The following EFTUD2 variants were observed in gnomAD, a reference collection of about 807,000 sequenced individuals.
EFTUD2 encodes the protein 116 kDa U5 small nuclear ribonucleoprotein component.
Under a neutral mutation model 114.3 loss-of-function variants are expected in EFTUD2, and 9 were observed. That is an observed-to-expected ratio of 0.08 (90% CI 0.05 to 0.14). EFTUD2 has a LOEUF of 0.14. Among genes scored for constraint, EFTUD2 ranks in the 10% least tolerant of loss-of-function variants. The pLI is 1.00. For synonymous variants in EFTUD2, 449 were observed against 462.3 expected, an observed-to-expected ratio of 0.97 and a Z score of 0.37; for missense variants, 765 against 1,241.2, an observed-to-expected ratio of 0.62 and a Z score of 5.76.
intron 18 of EFTUD2, chr17:44,859,432 G>A: frequency 1.8e-6 from 1 of 563,394 alleles, no homozygotes; most frequent in South Asian, 2.0e-5. Flanking sequence ...TAATGATTTA[G>A]GTCAAACTCT....
chr17:44,889,248 A>G (rs1475269861), intron 2 of EFTUD2, among the ~76,000 whole-genome samples: 2 of 152,162 alleles, frequency 1.3e-5, no homozygotes, highest in Admixed American at 6.5e-5. Context: ...CCTTGACAAG[A>G]GCAGTCTGTG....
At chr17:44,891,089 A>G (rs1352821534) in intron 2 of EFTUD2, among the ~76,000 whole-genome samples, 1 of 152,192 alleles carries the variant, frequency 6.6e-6, no homozygotes, top group African/African-American at 2.4e-5. Context: ...AGCAACAGGG[A>G]GAAACCCTAA....
At chr17:44,878,342 GTGC>G (rs1355259310) in intron 9 of EFTUD2, among the ~76,000 whole-genome samples, 1 of 152,154 alleles carries the variant, frequency 6.6e-6, no homozygotes. Flanking sequence ...TACAAAATAA[GTGC>G]CCTGTACTCT....
chr17:44,881,422 T>C (rs1174143269), intron 7 of EFTUD2, among the ~76,000 whole-genome samples: 2 of 151,388 alleles, frequency 1.3e-5, no homozygotes, highest in Non-Finnish European at 2.9e-5. Context: ...CATCGCCTCT[T>C]AGTACTTCTC....
At chr17:44,866,812 C>T (rs2050753708) in intron 13 of EFTUD2, among the ~76,000 whole-genome samples, 10 of 152,046 alleles carry the variant, frequency 6.6e-5, no homozygotes, top group Admixed American at 6.6e-4. Flanking sequence ...ATGTTACAAA[C>T]AATGCTATAA....
chr17:44,863,414 C>T (rs2050692084), intron 15 of EFTUD2: 1 of 425,646 alleles, frequency 2.3e-6, no homozygotes. Context: ...AACAACCGCT[C>T]ACATTTTATT....
At chr17:44,859,852 C>G (rs1416499915) in intron 18 of EFTUD2, 53 bp downstream of exon 18, 25 of 1,611,628 alleles carry the variant, frequency 1.6e-5, no homozygotes, top group Non-Finnish European at 1.2e-5. Flanking sequence ...GCAGCTCTGC[C>G]CATTCAGCTG....
intron 2 of EFTUD2, 41 bp from the exon 3 acceptor site, chr17:44,886,791 C>G (rs370316007): frequency 6.3e-7 from 1 of 1,580,444 alleles, no homozygotes; most frequent in Non-Finnish European, 8.6e-7. Flanking sequence ...GAGGCACACG[C>G]TTTTCCTGTT....
intron 2 of EFTUD2, 130 bp from the exon 3 acceptor site, chr17:44,886,880 G>C: frequency 1.4e-6 from 2 of 1,441,562 alleles, no homozygotes; most frequent in Non-Finnish European, 1.8e-6. Flanking sequence ...CTATGCCAGT[G>C]GGGGAGGTTC....
At chr17:44,875,829 T>C (rs2050937968) in intron 10 of EFTUD2, 105 bp downstream of exon 10, 1 of 1,438,890 alleles carries the variant, frequency 6.9e-7, no homozygotes, top group South Asian at 1.3e-5. Flanking sequence ...CCCAACAAAC[T>C]CATCAACACA....
At chr17:44,895,073 T>C (rs1034310011) in intron 1 of EFTUD2, among the ~76,000 whole-genome samples, 1 of 152,296 alleles carries the variant, frequency 6.6e-6, no homozygotes, top group Non-Finnish European at 1.5e-5. Context: ...CAGCTGTTTT[T>C]ACATGGCCCT....
At chr17:44,863,519 T>G in intron 15 of EFTUD2, 136 bp downstream of exon 15, 1 of 1,284,200 alleles carries the variant, frequency 7.8e-7, no homozygotes, top group Non-Finnish European at 1.1e-6. Context: ...AGGCTTTGCA[T>G]TCAGGCCTGA....
chr17:44,860,167 T>C, intron 17 of EFTUD2, 122 bp from the exon 18 acceptor site: 1 of 1,387,652 alleles, frequency 7.2e-7, no homozygotes, highest in Non-Finnish European at 1.0e-6. Context: ...ACCAGGAGCC[T>C]GGTGCTGAGT....
In EFTUD2 at chr17:44,851,155, C is replaced by T; in HGVS notation, c.*119G>A. Reference sequence around the variant, plus strand: ...GAGGTTGGTGAGTTGTTCAAGATGGCAACAGCAGCTTCCAGACACTCTCTG... The same window carrying T: ...GAGGTTGGTGAGTTGTTCAAGATGGTAACAGCAGCTTCCAGACACTCTCTG... On this transcript the variant is annotated 3_prime_UTR_variant, in exon 28 of 28. Coordinates refer to ENST00000426333, the MANE Select transcript of EFTUD2 (RefSeq NM_004247.4). 1 of 821,754 alleles carries T rather than the reference C, an allele frequency of 1.2e-6. No homozygotes were observed. The highest frequency in any genetic ancestry group is 2.1e-6 in the Non-Finnish European group (1 of 486,516). 50.9% of individuals were successfully genotyped at this position (821,754 alleles called of 1,614,324 possible). A position where few individuals can be genotyped will look rare whatever the true frequency, so the allele number is the denominator to read the frequency against.
At chr17:44,874,458 G>T (rs1215491606) in intron 10 of EFTUD2, among the ~76,000 whole-genome samples, 1 of 152,162 alleles carries the variant, frequency 6.6e-6, no homozygotes, top group Non-Finnish European at 1.5e-5. Flanking sequence ...TTGAAAAGTA[G>T]TGCTACACAC....
In EFTUD2 at chr17:44,865,050, C is replaced by T; in HGVS notation, c.1165G>A (p.Asp389Asn). Residue 389 changes from aspartate (D) to asparagine (N), a missense_variant, in exon 14 of 28, where the codon GAC becomes AAC. By Grantham distance (23) the Asp-to-Asn change is conservative. Transcript: ENST00000426333. Reference sequence around the variant, plus strand: ...TCTAGGGTCCGTGGGAGGCTGGTGTCCACGTCACCTACAACCTGTGAGGGT... The same window carrying T: ...TCTAGGGTCCGTGGGAGGCTGGTGTTCACGTCACCTACAACCTGTGAGGGT... ...KILAQVVGDVDTSLPRTLDEL... is the reference protein window; with the variant it reads ...KILAQVVGDVNTSLPRTLDEL... 1 of 1,614,186 alleles carries T rather than the reference C, an allele frequency of 6.2e-7. No homozygotes were observed. Among genetic ancestry groups the T allele is most frequent in the Non-Finnish European group, 8.5e-7 (1 of 1,180,026 alleles).
intron 10 of EFTUD2, among the ~76,000 whole-genome samples, chr17:44,875,119 AC>A (rs1207622762): frequency 6.6e-6 from 1 of 152,228 alleles, no homozygotes; most frequent in African/African-American, 2.4e-5. Flanking sequence ...TAATGCTAGC[AC>A]TTTGGAAGGC....
chr17:44,872,570 G>C lies in EFTUD2; in HGVS notation c.870C>G (p.Ser290Arg). 1 of 1,607,340 alleles carries C rather than the reference G, an allele frequency of 6.2e-7. No homozygotes were observed. Among genetic ancestry groups the C allele is most frequent in the Non-Finnish European group, 8.5e-7 (1 of 1,176,174 alleles). The change falls in exon 11 of 28, where the codon AGC becomes AGG. Residue 290 changes from serine to arginine, a missense_variant and splice_region_variant. Transcript: ENST00000426333. ...HIVDEVNGLI[S>R]MYSTDENLIL... ...TCAGGTTCTCATCAGTGGAATACAT[G>C]CTGAAACAGAGACAGTGGTGAACAC... is the stretch of plus-strand genomic sequence containing the variant.
At position 44,886,953 on chromosome 17, in the gene EFTUD2, G is replaced by A. The variant is rs1425657536; in HGVS notation, c.106-203C>T. On this transcript the variant is annotated intron_variant, in intron 2 of 27. Transcript: ENST00000426333. The stretch of plus-strand genomic sequence containing the variant: ...GCCGAGGCCATGGACAGTGCTCCTG[G>A]TTCAAACTTGCCCCTTTCTGAATGT... 2.0e-5 allele frequency among the ~76,000 whole-genome samples: 3 copies of A among 152,120 alleles called. No individual in the cohort carries two copies. The East Asian group carries it at 5.8e-4, about 29-fold the overall frequency.
Sources: allele counts gnomAD v4.1 joint callset (sites outside exome capture counted in the v4.1 genomes callset), GRCh38; gene constraint gnomAD v4.1.1; transcripts MANE v1.5; gene names NCBI Gene and HGNC (gene_info 2026-07-23, HGNC 2026-07-21).